Variants in CES5A observed in about 807,000 individuals in gnomAD.
CES5A encodes carboxylesterase 5A.
A neutral mutation model predicts 62.9 loss-of-function variants in CES5A; 67 were observed. The observed-to-expected ratio is 1.07, with a 90% CI of 0.88 to 1.31. CES5A has a LOEUF of 1.31. CES5A is among the 50% of genes most tolerant of loss of function. The probability of loss-of-function intolerance (pLI) is 0.00; values close to 1 mark genes in which losing one functional copy is unlikely to be tolerated. For synonymous variants in CES5A, 296 were observed against 280.8 expected (o/e 1.05, Z -0.54); for missense variants, 748 against 708.5 (o/e 1.06, Z -0.63).
intron 2 of CES5A, among the ~76,000 whole-genome samples, chr16:55,938,787 T>TACACAC (rs1567362353): frequency 2.6e-5 from 2 of 76,458 alleles, no homozygotes; most frequent in African/African-American, 1.0e-4. Context: ...TATATATATA[T>TACACAC]ATATATATAT....
chr16:55,875,222 T>TTGGC lies in CES5A; in HGVS notation c.-5_-2dup. 1 of 1,613,446 alleles carries TTGGC rather than the reference T, an allele frequency of 6.2e-7. No individual in the cohort carries two copies. Among genetic ancestry groups the TTGGC allele is most frequent in the Non-Finnish European group, 8.5e-7 (1 of 1,179,726 alleles). On this transcript the variant is annotated 5_prime_UTR_variant, in exon 1 of 13. Transcript: ENST00000290567. ...CTGGGTGCACCCAATTCCCACTCAT[T>TTGGC]TGGCTGCCTGCCTGCACTCTGTGAA...
intron 2 of CES5A, among the ~76,000 whole-genome samples, chr16:55,948,260 A>G (rs1344641884): frequency 2.0e-5 from 3 of 151,828 alleles, no homozygotes; most frequent in African/African-American, 4.8e-5. Context: ...GAAAGGAGGG[A>G]AAAAAAAGAG....
chr16:55,941,689 G>T (rs569246212), intron 2 of CES5A, among the ~76,000 whole-genome samples: 1 of 152,090 alleles, frequency 6.6e-6, no homozygotes, highest in South Asian at 2.1e-4. Flanking sequence ...TACAAAGTTG[G>T]AGCACTTACA....
chr16:55,885,766 T>C (rs8054926), intron 1 of CES5A, among the ~76,000 whole-genome samples: 48,271 of 151,966 alleles, frequency 0.32, 8,444 homozygotes, highest in East Asian at 0.52. Context: ...GGTTCAATGA[T>C]TGGAAGCCAT....
intron 1 of CES5A, among the ~76,000 whole-genome samples, chr16:55,910,565 G>A (rs377123306): frequency 2.6e-5 from 4 of 152,206 alleles, no homozygotes; most frequent in East Asian, 1.9e-4. Flanking sequence ...CAATCACAAC[G>A]TAAACTCCGT....
chr16:55,861,711 C>T (rs1320766945), intron 6 of CES5A, among the ~76,000 whole-genome samples, 195 bp from the exon 7 acceptor site: 2 of 152,194 alleles, frequency 1.3e-5, no homozygotes, highest in Non-Finnish European at 2.9e-5. Flanking sequence ...CACCCTCAGT[C>T]TCTTGCCTGG....
rs867801872 is a variant in CES5A, at chr16:55,875,168, G to A, written c.54C>T (p.Val18=). 2 of 1,613,958 alleles carry A rather than the reference G, an allele frequency of 1.2e-6. No individual in the cohort carries two copies. The highest frequency in any genetic ancestry group is 1.7e-6 in the Non-Finnish European group (2 of 1,180,002). Residue 18 remains valine (V), a synonymous_variant, in exon 1 of 13, where the codon GTC becomes GTT. Coordinates refer to ENST00000290567, the MANE Select transcript of CES5A (RefSeq NM_001143685.2). The part of the protein sequence containing the change: ...PGQILIWAIW[V]LAAPTKGPSA... ...TCTCACCTTTGGTGGGGGCTGCAAGGACCCAGATAGCCCAAATTAGGATCT... is the reference window on the plus strand; with the variant it reads ...TCTCACCTTTGGTGGGGGCTGCAAGAACCCAGATAGCCCAAATTAGGATCT...
chr16:55,869,886 C>T (rs2033547959), intron 3 of CES5A, 142 bp from the exon 4 acceptor site: 1 of 1,223,006 alleles, frequency 8.2e-7, no homozygotes, highest in East Asian at 2.6e-5. Context: ...TTGAAGAAGG[C>T]CCAGGGTTAA....
At chr16:55,867,906 T>C (rs2033497341) in intron 4 of CES5A, among the ~76,000 whole-genome samples, 1 of 152,242 alleles carries the variant, frequency 6.6e-6, no homozygotes. Flanking sequence ...TGTGGTTGAA[T>C]GACCCCATGG....
chr16:55,940,109 A>G (rs1456260101), intron 2 of CES5A, among the ~76,000 whole-genome samples: 1 of 152,096 alleles, frequency 6.6e-6, no homozygotes, highest in Admixed American at 6.6e-5. Context: ...CAAATCAGCC[A>G]TCTAGGCTTC....
At chr16:55,890,948 C>A (rs2033869950) in intron 1 of CES5A, among the ~76,000 whole-genome samples, 1 of 152,132 alleles carries the variant, frequency 6.6e-6, no homozygotes, top group Admixed American at 6.6e-5. Flanking sequence ...TTAAACTTAA[C>A]TTCCTCCTAA....
upstream of CES5A, among the ~76,000 whole-genome samples, chr16:55,878,867 C>T (rs1344268318): frequency 6.7e-6 from 1 of 149,430 alleles, no homozygotes; most frequent in African/African-American, 2.5e-5. Flanking sequence ...TCACTGCATC[C>T]CACCACTGCA....
Position 55,869,747 on chromosome 16 carries a change from G to C in CES5A, c.418-3C>G. On this transcript the variant is annotated splice_region_variant and splice_polypyrimidine_tract_variant and intron_variant, in intron 3 of 12. Coordinates refer to ENST00000290567, the MANE Select transcript of CES5A (RefSeq NM_001143685.2). ...CCTCCTGGGAACCACACCAAGACCT[G>C]AGGAGGGGAGAAGAGCATCCAGTCA... The C allele has an allele frequency of 6.3e-7, 1 of 1,597,958 alleles. No homozygotes were observed. Among genetic ancestry groups the C allele is most frequent in the South Asian group, 1.1e-5 (1 of 89,022 alleles).
upstream of CES5A, among the ~76,000 whole-genome samples, chr16:55,928,009 C>T (rs547610988): frequency 2.2e-4 from 33 of 152,176 alleles, no homozygotes; most frequent in Non-Finnish European, 2.8e-4. Flanking sequence ...TTTGGGAGGC[C>T]GAGGCGGATG....
intron 9 of CES5A, among the ~76,000 whole-genome samples, chr16:55,854,349 T>C (rs2033190460): frequency 6.6e-6 from 1 of 151,954 alleles, no homozygotes; most frequent in Admixed American, 6.6e-5. Context: ...TCCCCTCACC[T>C]ATGGCTTAGA....
At chr16:55,934,068 TTTGCTCAAA>T (rs1384514194) in intron 2 of CES5A, among the ~76,000 whole-genome samples, 1 of 152,168 alleles carries the variant, frequency 6.6e-6, no homozygotes, top group South Asian at 2.1e-4. Flanking sequence ...TTCTCAATAC[TTTGCTCAAA>T]TTTTACCTTT....
chr16:55,951,358 G>A (rs2034555583), intron 1 of CES5A, among the ~76,000 whole-genome samples: 1 of 152,066 alleles, frequency 6.6e-6, no homozygotes, highest in African/African-American at 2.4e-5. Flanking sequence ...TTTTTGCTGG[G>A]AGGATTTAGG....
In CES5A at chr16:55,863,334, A is replaced by C. The variant is rs770944618; in HGVS notation, c.810+14T>G. ...GAGGAGAGGAAGGTGGCAAGGTGTTAACAGTATACGTACGTCCTCACTCTT... is the reference window on the plus strand; with the variant it reads ...GAGGAGAGGAAGGTGGCAAGGTGTTCACAGTATACGTACGTCCTCACTCTT... On this transcript the variant is annotated intron_variant, in intron 6 of 12. Coordinates refer to ENST00000290567, the MANE Select transcript of CES5A (RefSeq NM_001143685.2). 2.3e-6 allele frequency: 3 copies of C among 1,312,330 alleles called. No individual in the cohort carries two copies. The highest frequency in any genetic ancestry group is 3.3e-6 in the Non-Finnish European group (3 of 905,018). The allele number at this position is 1,312,330 out of a possible 1,614,324, so 81.3% of individuals were successfully genotyped here. A position where few individuals can be genotyped will look rare whatever the true frequency, so the allele number is the denominator to read the frequency against.
exon 2 of CES5A, chr16:55,949,872 A>G (rs1206712763): frequency 6.6e-7 from 1 of 1,523,792 alleles, no homozygotes; most frequent in Non-Finnish European, 8.8e-7. Context: ...ACCAGGCACA[A>G]TCTCCACATT....
Sources: allele counts gnomAD v4.1 joint callset (sites outside exome capture counted in the v4.1 genomes callset), GRCh38; gene constraint gnomAD v4.1.1; transcripts MANE v1.5; gene names NCBI Gene and HGNC (gene_info 2026-07-23, HGNC 2026-07-21).